GOLGA4: variants seen among roughly 807,000 people sequenced by gnomAD.
GOLGA4 encodes the protein golgin A4, also known as golgin subfamily A member 4.
GOLGA4 carries 169 observed loss-of-function variants against 265.9 expected under a neutral mutation model. The ratio of observed to expected loss-of-function variants is 0.64; its 90% CI spans 0.56 to 0.72. The LOEUF (loss-of-function observed/expected upper bound fraction) is 0.72. Among genes scored for constraint, GOLGA4 ranks in the 30% least tolerant of loss-of-function variants. The pLI is 0.00. For missense variants in GOLGA4, 2,482 were observed against 2,483.4 expected, an observed-to-expected ratio of 1.00 and a Z score of 0.01; for synonymous variants, 923 against 855.8, an observed-to-expected ratio of 1.08 and a Z score of -1.37.
At chr3:37,309,487 G>A (rs1413283530) in intron 10 of GOLGA4, among the ~76,000 whole-genome samples, 2 of 152,038 alleles carry the variant, frequency 1.3e-5, no homozygotes, top group South Asian at 2.1e-4. Context: ...CCTGGGAGGC[G>A]GAGGTTGCAG....
In GOLGA4 at chr3:37,314,799, G is replaced by A. The variant is rs151293048; in HGVS notation, c.1235-621G>A. Among the ~76,000 whole-genome samples the A allele has an allele frequency of 6.6e-5, 10 of 152,112 alleles. No homozygotes were observed. The East Asian group carries it at 1.9e-3, about 29-fold the overall frequency. ...GCCTTTCTGTAATACTGTTGAATCA[G>A]GTAAAGATTTCTTTCTGGTCACCTG... On this transcript the variant is annotated intron_variant, in intron 10 of 23. Coordinates refer to ENST00000361924, the MANE Select transcript of GOLGA4 (RefSeq NM_002078.5).
At chr3:37,365,650 G>A (rs1049238331) in intron 23 of GOLGA4, among the ~76,000 whole-genome samples, 2 of 152,204 alleles carry the variant, frequency 1.3e-5, no homozygotes, top group African/African-American at 2.4e-5. Context: ...TAAACTGGTA[G>A]CATTCGATAT....
intron 5 of GOLGA4, among the ~76,000 whole-genome samples, chr3:37,292,015 G>A (rs139022950): frequency 3.3e-5 from 5 of 152,222 alleles, no homozygotes; most frequent in Non-Finnish European, 5.9e-5. Context: ...GGGCTAACAT[G>A]CTGGCAGAAT....
At position 37,357,844 on chromosome 3, in the gene GOLGA4, G is replaced by GAA. The variant is rs1438052092; in HGVS notation, c.6663+2659_6663+2660dup. Among the ~76,000 whole-genome samples, 3 of 152,182 alleles carry GAA rather than the reference G, an allele frequency of 2.0e-5. No individual in the cohort carries two copies. The East Asian group carries it at 5.8e-4, about 29-fold the overall frequency. ...TTTTCCAATAGAAAGTGCACATGAT[G>GAA]AAATGTGTAGAAAACAAAACTTTAG... On this transcript the variant is annotated intron_variant, in intron 22 of 23. Coordinates refer to ENST00000361924, the MANE Select transcript of GOLGA4 (RefSeq NM_002078.5).
intron 13 of GOLGA4, among the ~76,000 whole-genome samples, chr3:37,323,377 C>T (rs895105696): frequency 2.0e-5 from 3 of 152,228 alleles, no homozygotes; most frequent in African/African-American, 7.2e-5. Context: ...GATCTGCTCA[C>T]CTCGGCCTCC....
At chr3:37,344,060 A>G (rs571801823) in intron 20 of GOLGA4, among the ~76,000 whole-genome samples, 2 of 152,356 alleles carry the variant, frequency 1.3e-5, no homozygotes, top group East Asian at 1.9e-4. Context: ...TTGAGGTACA[A>G]CTCAAACAAG....
chr3:37,314,139 TTAG>T (rs2096930643), intron 10 of GOLGA4, among the ~76,000 whole-genome samples: 2 of 151,918 alleles, frequency 1.3e-5, no homozygotes, highest in African/African-American at 4.8e-5. Context: ...AGGCTAATTT[TTAG>T]TAGAGATGGG....
Position 37,366,375 on chromosome 3 carries a change from C to T in GOLGA4, c.*329C>T. On this transcript the variant is annotated 3_prime_UTR_variant, in exon 24 of 24. Transcript: ENST00000361924. ...TTATGGGCTTACATAATATTCCTTT[C>T]ATCCATTCTTTTTAAAGAACGGCTT... The T allele has an allele frequency of 2.7e-6, 1 of 365,986 alleles. No homozygotes were observed. 22.7% of individuals were successfully genotyped at this position (365,986 alleles called of 1,614,324 possible). A position where few individuals can be genotyped will look rare whatever the true frequency, so the allele number is the denominator to read the frequency against.
chr3:37,256,988 C>A (rs547103543), intron 2 of GOLGA4, among the ~76,000 whole-genome samples: 17 of 152,006 alleles, frequency 1.1e-4, no homozygotes, highest in Non-Finnish European at 2.4e-4. Context: ...TCAGTACATT[C>A]CCAGTGTTGT....
chr3:37,353,991 G>A (rs924808662), intron 21 of GOLGA4, among the ~76,000 whole-genome samples: 1 of 152,030 alleles, frequency 6.6e-6, no homozygotes, highest in Admixed American at 6.6e-5. Context: ...TGAGTGGGGA[G>A]CAGTATTAGT....
intron 18 of GOLGA4, 61 bp downstream of exon 18, chr3:37,337,224 G>C: frequency 2.2e-6 from 2 of 894,812 alleles, no homozygotes; most frequent in Non-Finnish European, 3.4e-6. Flanking sequence ...TTCTCACTCT[G>C]TTGCCCAGGC....
At position 37,324,920 on chromosome 3, in the gene GOLGA4, G is replaced by A. The variant is rs750067721; in HGVS notation, c.3034G>A (p.Ala1012Thr). Residue 1012 changes from alanine (A) to threonine (T), a missense_variant, in exon 14 of 24, where the codon GCT becomes ACT. By Grantham distance (58) the Ala-to-Thr change is moderately conservative. Transcript: ENST00000361924. Reference protein sequence around the residue: ...KMLEMAQANSAGISDAVSRLE... With the variant: ...KMLEMAQANSTGISDAVSRLE... ...GCTGGAAATGGCACAGGCTAACTCA[G>A]CTGGAATCAGTGATGCAGTGTCAAG... 4 of 1,611,910 alleles carry A rather than the reference G, an allele frequency of 2.5e-6. No individual in the cohort carries two copies. Among genetic ancestry groups the A allele is most frequent in the Non-Finnish European group, 3.4e-6 (4 of 1,179,364 alleles).
In GOLGA4 at chr3:37,299,310, C is replaced by G. The variant is rs1302785194; in HGVS notation, c.1025C>G (p.Thr342Ser). ...KIKDLHMAEKTKLITQLRDAK... is the reference protein window; with the variant it reads ...KIKDLHMAEKSKLITQLRDAK... ...TAGGACCTTCATATGGCCGAGAAGA[C>G]TAAACTTATCACTCAGTTGCGTGAT... is the stretch of plus-strand genomic sequence containing the variant. Residue 342 changes from threonine (T) to serine (S), a missense_variant, in exon 9 of 24, where the codon ACT (threonine) becomes AGT (serine). Physicochemically the swap from Thr to Ser is moderately conservative, Grantham distance 58. Coordinates refer to ENST00000361924, the MANE Select transcript of GOLGA4 (RefSeq NM_002078.5). 1 of 1,612,444 alleles carries G rather than the reference C, an allele frequency of 6.2e-7. No individual in the cohort carries two copies. Among genetic ancestry groups the G allele is most frequent in the South Asian group, 1.1e-5 (1 of 91,014 alleles).
rs1449067679 is a variant in GOLGA4, at chr3:37,329,045, AGAT to A, written c.6151_6153del (p.Asp2051del). ...AGTTACTTAAAAAAATTGCTGAGAA[AGAT>A]GATGATCTAAAACGAACAGCCAAAA... On this transcript the variant is annotated inframe_deletion, in exon 16 of 24. Coordinates refer to ENST00000361924, the MANE Select transcript of GOLGA4 (RefSeq NM_002078.5). 1.2e-6 allele frequency: 2 copies of A among 1,611,556 alleles called. No homozygotes were observed. Among genetic ancestry groups the A allele is most frequent in the Non-Finnish European group, 1.7e-6 (2 of 1,178,750 alleles).
intron 21 of GOLGA4, among the ~76,000 whole-genome samples, chr3:37,348,647 TA>T (rs1484123250): frequency 6.6e-6 from 1 of 152,066 alleles, no homozygotes; most frequent in Non-Finnish European, 1.5e-5. Flanking sequence ...GGCATATCTT[TA>T]AAAAACAAAA....
intron 11 of GOLGA4, among the ~76,000 whole-genome samples, chr3:37,316,765 C>G (rs2150933388): frequency 6.6e-6 from 1 of 152,024 alleles, no homozygotes; most frequent in Non-Finnish European, 1.5e-5. Context: ...GTATATTTCC[C>G]AGAGATAGCC....
intron 2 of GOLGA4, among the ~76,000 whole-genome samples, chr3:37,258,007 A>G (rs1235276211): frequency 1.4e-5 from 1 of 73,454 alleles, no homozygotes; most frequent in African/African-American, 7.1e-5. Context: ...GTATATATAC[A>G]TACATATATA....
At position 37,325,652 on chromosome 3, in the gene GOLGA4, C is replaced by A; in HGVS notation, c.3766C>A (p.Arg1256Ser). The change falls in exon 14 of 24, where the codon CGT becomes AGT. Residue 1256 changes from arginine (R) to serine (S), a missense_variant. This residue lies in a region of GOLGA4 where 1,536 missense variants were observed against 1,483.7 expected (regional missense o/e 1.04). Coordinates refer to ENST00000361924, the MANE Select transcript of GOLGA4 (RefSeq NM_002078.5). ...ILSRISHCQH[R>S]TTKVKEALLI... The stretch of plus-strand genomic sequence containing the variant: ...TTCTAGGATTTCTCATTGTCAGCAC[C>A]GTACAACTAAAGTTAAGGAGGCACT... 1 of 1,613,806 alleles carries A rather than the reference C, an allele frequency of 6.2e-7. No homozygotes were observed. Among genetic ancestry groups the A allele is most frequent in the South Asian group, 1.1e-5 (1 of 91,076 alleles).
In GOLGA4 at chr3:37,324,996, G is replaced by C; in HGVS notation, c.3110G>C (p.Arg1037Pro). Reference sequence around the variant, plus strand: ...ATAGAAAGTCTTACTGAGGTTCATCGACGAGAACTCAATGATGTCATATCA... The same window carrying C: ...ATAGAAAGTCTTACTGAGGTTCATCCACGAGAACTCAATGATGTCATATCA... ...EQIESLTEVH[R>P]RELNDVISIW... The change falls in exon 14 of 24, where the codon CGA becomes CCA. Residue 1037 changes from arginine (R) to proline (P), a missense_variant. Coordinates refer to ENST00000361924, the MANE Select transcript of GOLGA4 (RefSeq NM_002078.5). The C allele has an allele frequency of 6.2e-7, 1 of 1,613,190 alleles. No homozygotes were observed. The highest frequency in any genetic ancestry group is 1.3e-5 in the African/African-American group (1 of 74,990).
Sources: gnomAD v4.1 joint callset for allele counts (sites outside exome capture counted in the v4.1 genomes callset) on GRCh38, gnomAD v4.1.1 for gene constraint, gnomAD v4.1.1 regional missense constraint, MANE v1.5 for transcripts, NCBI Gene and HGNC (gene_info 2026-07-23, HGNC 2026-07-21) for gene names.